COG2: variants seen among roughly 807,000 people sequenced by gnomAD.
The protein encoded by COG2 is component of oligomeric golgi complex 2, also known as conserved oligomeric Golgi complex subunit 2.
In COG2, 52 loss-of-function variants were observed where a neutral mutation model predicts 90.6. The observed-to-expected ratio is 0.57, with a 90% CI of 0.46 to 0.72. The LOEUF (loss-of-function observed/expected upper bound fraction) is 0.72, where lower values mean the gene tolerates loss of function less well. Among genes scored for constraint, COG2 ranks in the 30% least tolerant of loss-of-function variants. The probability of loss-of-function intolerance (pLI) is 0.00; values close to 1 mark genes in which losing one functional copy is unlikely to be tolerated. For missense variants in COG2, 829 were observed against 891.2 expected (o/e 0.93, Z 0.89); for synonymous variants, 337 against 320.4 (o/e 1.05, Z -0.55).
chr1:230,643,564 A>G (rs1325953595), intron 1 of COG2, among the ~76,000 whole-genome samples: 1 of 147,094 alleles, frequency 6.8e-6, no homozygotes, highest in African/African-American at 2.5e-5. Flanking sequence ...TTGAAATCTT[A>G]CTCTGCCTTT....
Position 230,687,023 on chromosome 1 carries a change from G to A in COG2, c.1469G>A (p.Gly490Glu). ...AGCAAAGAACCTTCCATCACCCAAG[G>A]AAACACTGAAGACCAAGGAAGTGGT... ...TGSKEPSITQGNTEDQGSGPS... is the reference protein window; with the variant it reads ...TGSKEPSITQENTEDQGSGPS... Residue 490 changes from glycine (G) to glutamate (E), a missense_variant, in exon 13 of 18, where the codon GGA becomes GAA. Gly to Glu is a moderately conservative substitution (Grantham distance 98, BLOSUM62 -2). Transcript: ENST00000366669. 2 of 1,611,612 alleles carry A rather than the reference G, an allele frequency of 1.2e-6. No individual in the cohort carries two copies. Among genetic ancestry groups the A allele is most frequent in the South Asian group, 2.2e-5 (2 of 90,444 alleles).
chr1:230,677,169 G>A (rs1023175803), intron 9 of COG2, among the ~76,000 whole-genome samples: 4 of 151,962 alleles, frequency 2.6e-5, no homozygotes, highest in East Asian at 1.9e-4. Flanking sequence ...CTGCATTCTC[G>A]ATAATTTCAC....
In COG2 at chr1:230,687,446, A is replaced by T. The variant is rs569263807; in HGVS notation, c.1578+314A>T. On this transcript the variant is annotated intron_variant, in intron 13 of 17. Transcript: ENST00000366669. ...CAAGCTTGAGCAGCCATGCTCCCCC[A>T]CTTTTTTTTTCCCATTAGCTCACCT... is the stretch of plus-strand genomic sequence containing the variant. Among the ~76,000 whole-genome samples the T allele has an allele frequency of 1.1e-4, 17 of 151,198 alleles. No individual in the cohort carries two copies. In the South Asian group the frequency reaches 2.9e-3, roughly 26 times the overall value.
At chr1:230,659,385 A>G in intron 1 of COG2, 79 bp from the exon 2 acceptor site, 1 of 1,169,034 alleles carries the variant, frequency 8.6e-7, no homozygotes, top group Non-Finnish European at 1.3e-6. Context: ...GGGCTTTCTT[A>G]CTCTTTCTTC....
In COG2 at chr1:230,642,959, C is replaced by T. The variant is rs1661663579; in HGVS notation, c.72+281C>T. On this transcript the variant is annotated intron_variant, in intron 1 of 17. Coordinates refer to ENST00000366669, the MANE Select transcript of COG2 (RefSeq NM_007357.3). The stretch of plus-strand genomic sequence containing the variant: ...ATGTCAAAGCCACTGTTACCCGTTC[C>T]TGTTACCATGCAGTGCAGTCAGATT... 1.1e-5 allele frequency: 5 copies of T among 453,410 alleles called. 1 individual carries two copies. The highest frequency in any genetic ancestry group is 8.2e-5 in the East Asian group (2 of 24,306). 28.1% of individuals were successfully genotyped at this position (453,410 alleles called of 1,614,324 possible).
At chr1:230,675,265 AAC>A (rs1445621022) in intron 9 of COG2, 141 bp downstream of exon 9, 1 of 853,586 alleles carries the variant, frequency 1.2e-6, no homozygotes, top group Non-Finnish European at 1.7e-6. Context: ...TTAACCTTAA[AAC>A]ACACACATCG....
At chr1:230,664,872 G>A (rs978408878) in intron 5 of COG2, among the ~76,000 whole-genome samples, 6 of 152,132 alleles carry the variant, frequency 3.9e-5, no homozygotes, top group African/African-American at 1.2e-4. Context: ...CCTTACCCAT[G>A]GACTAGTGAA....
intron 1 of COG2, 69 bp from the exon 2 acceptor site, chr1:230,659,394 TC>T: frequency 8.0e-7 from 1 of 1,249,920 alleles, no homozygotes; most frequent in Non-Finnish European, 1.2e-6. Context: ...TACTCTTTCT[TC>T]CATTTCATTT....
chr1:230,688,276 T>G (rs1662933691), intron 14 of COG2, 133 bp downstream of exon 14: 1 of 1,248,948 alleles, frequency 8.0e-7, no homozygotes, highest in African/African-American at 1.5e-5. Context: ...TTCTGTATTA[T>G]AACTTACCTA....
intron 1 of COG2, among the ~76,000 whole-genome samples, chr1:230,654,305 A>G (rs1661995449): frequency 6.6e-6 from 1 of 152,188 alleles, no homozygotes. Context: ...GGTGTAAGGA[A>G]GGGGTCCAGT....
intron 2 of COG2, 50 bp from the exon 3 acceptor site, chr1:230,660,708 T>C (rs774102245): frequency 1.5e-6 from 2 of 1,290,384 alleles, no homozygotes; most frequent in Non-Finnish European, 2.2e-6. Context: ...GATACTTAGC[T>C]GTTACTCTTG....
Position 230,693,587 on chromosome 1 carries a change from G to C in COG2, c.*194G>C, listed in dbSNP as rs577268827. 2.4e-4 allele frequency: 107 copies of C among 443,024 alleles called. No individual in the cohort carries two copies. Among genetic ancestry groups the C allele is most frequent in the Non-Finnish European group, 3.1e-4 (77 of 248,424 alleles). 27.4% of individuals were successfully genotyped at this position (443,024 alleles called of 1,614,324 possible). On this transcript the variant is annotated 3_prime_UTR_variant, in exon 18 of 18. Coordinates refer to ENST00000366669, the MANE Select transcript of COG2 (RefSeq NM_007357.3). ...CTTCTTTGCCCAAAAGAACACAAAAGCCTTTTTCCATTGTATGGAAGATAG... is the reference window on the plus strand; with the variant it reads ...CTTCTTTGCCCAAAAGAACACAAAACCCTTTTTCCATTGTATGGAAGATAG...
intron 8 of COG2, 49 bp from the exon 9 acceptor site, chr1:230,674,949 T>C: frequency 6.8e-7 from 1 of 1,470,090 alleles, no homozygotes; most frequent in Non-Finnish European, 9.2e-7. Context: ...ATTTGCTCTT[T>C]GTAAGTAGAT....
chr1:230,645,397 CCTT>C (rs1558265973), intron 1 of COG2, among the ~76,000 whole-genome samples: 1 of 152,114 alleles, frequency 6.6e-6, no homozygotes, highest in Non-Finnish European at 1.5e-5. Flanking sequence ...GCAATCATAT[CCTT>C]CTGTCTCACG....
At position 230,647,700 on chromosome 1, in the gene COG2, C is replaced by T. The variant is rs146227859; in HGVS notation, c.72+5022C>T. On this transcript the variant is annotated intron_variant, in intron 1 of 17. Coordinates refer to ENST00000366669, the MANE Select transcript of COG2 (RefSeq NM_007357.3). ...AAAATCTGCAAATGCTCAAGACCCT[C>T]TTGTAAATGGTGTAGTATTTGCATA... Among the ~76,000 whole-genome samples the T allele has an allele frequency of 1.1e-3, 170 of 152,318 alleles. 1 individual carries two copies. Among genetic ancestry groups the T allele is most frequent in the African/African-American group, 3.9e-3 (164 of 41,566 alleles).
intron 1 of COG2, chr1:230,642,889 T>G: frequency 3.6e-6 from 2 of 550,070 alleles, no homozygotes; most frequent in Non-Finnish European, 6.4e-6. Flanking sequence ...TCGTGCGTGT[T>G]ACATGGAAAG....
intron 8 of COG2, among the ~76,000 whole-genome samples, chr1:230,673,487 CT>C (rs1200616854): frequency 6.6e-6 from 1 of 152,234 alleles, no homozygotes; most frequent in Non-Finnish European, 1.5e-5. Context: ...TACAGATGAG[CT>C]TTTCTAATCC....
rs1397959950 is a variant in COG2 at position 230,669,398 on chromosome 1, G to A, written c.637G>A (p.Gly213Ser). 2 of 1,613,964 alleles carry A rather than the reference G, an allele frequency of 1.2e-6. No homozygotes were observed. Among genetic ancestry groups the A allele is most frequent in the East Asian group, 2.2e-5 (1 of 44,880 alleles). ...AGCCATGTTACAGCAGTCACTGGAA[G>A]GTCTCCTATTAGAAGGCCTTCAGAC... Reference protein sequence around the residue: ...ITAMLQQSLEGLLLEGLQTSD... With the variant: ...ITAMLQQSLESLLLEGLQTSD... Residue 213 changes from glycine to serine, a missense_variant, in exon 7 of 18, where the codon GGT (glycine) becomes AGT (serine). Physicochemically the swap from Gly to Ser is moderately conservative, Grantham distance 56. Transcript: ENST00000366669.
At chr1:230,653,557 C>T (rs1312568410) in intron 1 of COG2, among the ~76,000 whole-genome samples, 2 of 152,114 alleles carry the variant, frequency 1.3e-5, no homozygotes, top group Non-Finnish European at 2.9e-5. Context: ...ATTCTACTAG[C>T]CAGAATTGAT....
Sources: allele counts gnomAD v4.1 joint callset (sites outside exome capture counted in the v4.1 genomes callset), GRCh38; gene constraint gnomAD v4.1.1; transcripts MANE v1.5; gene names NCBI Gene and HGNC (gene_info 2026-07-23, HGNC 2026-07-21).